TPO: variants seen among roughly 807,000 people sequenced by gnomAD.
TPO encodes the protein thyroid peroxidase, also known as thyroid microsomal antigen.
TPO carries 78 observed loss-of-function variants against 96.9 expected under a neutral mutation model. The ratio of observed to expected loss-of-function variants is 0.81; its 90% CI spans 0.67 to 0.97. The LOEUF (loss-of-function observed/expected upper bound fraction) is 0.97, where lower values mean the gene tolerates loss of function less well. Ranked by LOEUF, TPO falls within the 50% of genes least tolerant of loss-of-function variation. TPO has a pLI of 0.00. For missense variants in TPO, 1,252 were observed against 1,274.8 expected (o/e 0.98, Z 0.27); for synonymous variants, 547 against 538.0 (o/e 1.02, Z -0.23).
intron 2 of TPO, among the ~76,000 whole-genome samples, chr2:1,422,389 G>GGACAGACCT (rs1573111008): frequency 8.0e-5 from 4 of 50,078 alleles, no homozygotes; most frequent in South Asian, 6.9e-4. Context: ...TGCAGGCGCC[G>GGACAGACCT]CGCTGGGCCA....
At chr2:1,422,191 C>G (rs927647922) in intron 2 of TPO, among the ~76,000 whole-genome samples, 1 of 151,000 alleles carries the variant, frequency 6.6e-6, no homozygotes, top group Non-Finnish European at 1.5e-5. Context: ...ATGGAACAGA[C>G]GGAGCAGGGC....
chr2:1,390,180 T>C (rs1849789), intron 1 of TPO, among the ~76,000 whole-genome samples: 36,986 of 151,678 alleles, frequency 0.24, 9,181 homozygotes, highest in African/African-American at 0.64. Flanking sequence ...CTCCCCAGCC[T>C]CTGACAGGCC....
intron 1 of TPO, among the ~76,000 whole-genome samples, chr2:1,403,413 G>A (rs949184134): frequency 6.6e-6 from 1 of 152,208 alleles, no homozygotes; most frequent in African/African-American, 2.4e-5. Context: ...TACTGCAGCA[G>A]CTCTGGGCTC....
intron 7 of TPO, among the ~76,000 whole-genome samples, chr2:1,464,691 G>A (rs1215937402): frequency 6.6e-6 from 1 of 152,056 alleles, no homozygotes; most frequent in African/African-American, 2.4e-5. Flanking sequence ...GGCCATGTGT[G>A]TATCTTCTTT....
chr2:1,526,274 C>T (rs1232598088), intron 15 of TPO, among the ~76,000 whole-genome samples: 3 of 98,930 alleles, frequency 3.0e-5, no homozygotes, highest in African/African-American at 1.2e-4. Flanking sequence ...CCACCCCAGT[C>T]CCCCCACAGT....
chr2:1,461,453 C>G (rs558290526), intron 7 of TPO, among the ~76,000 whole-genome samples: 2 of 152,314 alleles, frequency 1.3e-5, no homozygotes, highest in African/African-American at 4.8e-5. Flanking sequence ...CCTGGGTAGG[C>G]TGGCCCTGGG....
rs1213847049 is a variant in TPO, at chr2:1,532,299, C to A, written c.2619-8295C>A. Among the ~76,000 whole-genome samples the A allele has an allele frequency of 6.5e-5, 4 of 61,932 alleles. 1 individual carries two copies. The highest frequency in any genetic ancestry group is 1.2e-4 in the African/African-American group (2 of 16,186). The allele number at this position is 61,932 out of a possible 152,430, so 40.6% of individuals were successfully genotyped here. A position where few individuals can be genotyped will look rare whatever the true frequency, so the allele number is the denominator to read the frequency against. ...TCCTCAAGTCCCCCACTGTGTGCAA[C>A]CCCCACAAAACTCCCACTGTGCGCA... On this transcript the variant is annotated intron_variant, in intron 15 of 16. Coordinates refer to ENST00000329066, the MANE Select transcript of TPO (RefSeq NM_001206744.2).
At chr2:1,413,119 G>C (rs548609853), upstream of TPO, among the ~76,000 whole-genome samples, 94 of 152,306 alleles carry the variant, frequency 6.2e-4, no homozygotes, top group African/African-American at 2.2e-3. Context: ...CCAATCCTCG[G>C]AAGATTAACA....
chr2:1,414,264 C>G, intron 1 of TPO, 144 bp from the exon 2 acceptor site: 2 of 789,472 alleles, frequency 2.5e-6, no homozygotes, highest in Admixed American at 2.0e-5. Flanking sequence ...CTCGCAGACC[C>G]CAGGCCTGTG....
chr2:1,503,406 T>C (rs1673067141), intron 13 of TPO, among the ~76,000 whole-genome samples: 3 of 152,228 alleles, frequency 2.0e-5, no homozygotes, highest in Admixed American at 1.3e-4. Context: ...GAACAAAATG[T>C]ACAGCAGGTT....
At chr2:1,489,765 G>A (rs1436653598) in intron 10 of TPO, among the ~76,000 whole-genome samples, 1 of 152,250 alleles carries the variant, frequency 6.6e-6, no homozygotes, top group Non-Finnish European at 1.5e-5. Flanking sequence ...AGCCCGACTT[G>A]TGTTCAGAAG....
upstream of TPO, among the ~76,000 whole-genome samples, chr2:1,411,208 T>C (rs1318504764): frequency 3.3e-5 from 5 of 152,232 alleles, no homozygotes; most frequent in African/African-American, 9.6e-5. Flanking sequence ...ATTATTTATA[T>C]TGTTTAATTA....
At chr2:1,495,293 C>T (rs767328053) in intron 11 of TPO, among the ~76,000 whole-genome samples, 5 of 152,182 alleles carry the variant, frequency 3.3e-5, no homozygotes, top group East Asian at 1.9e-4. Context: ...AAGAGTTTTA[C>T]GTGGCAGGGG....
Position 1,464,943 on chromosome 2 carries a change from C to A in TPO, c.819+8661C>A, listed in dbSNP as rs570517144. Among the ~76,000 whole-genome samples, 101 of 152,204 alleles carry A rather than the reference C, an allele frequency of 6.6e-4. 1 individual carries two copies. Among genetic ancestry groups the A allele is most frequent in the African/African-American group, 2.4e-3 (100 of 41,544 alleles). ...TTTATCTTTCTTTTTATTGAATTTG[C>A]TTTTGTGTTCTTGGTCATTAAATCC... On this transcript the variant is annotated intron_variant, in intron 7 of 16. Transcript: ENST00000329066.
rs1381822853 is a variant in TPO at position 1,433,640 on chromosome 2, G to A, written c.349+33G>A. 10 of 1,603,560 alleles carry A rather than the reference G, an allele frequency of 6.2e-6. No homozygotes were observed. In the South Asian group the frequency reaches 7.8e-5, roughly 13 times the overall value. On this transcript the variant is annotated intron_variant, in intron 4 of 16. Coordinates refer to ENST00000329066, the MANE Select transcript of TPO (RefSeq NM_001206744.2). ...GTGCCCCTCTCCCCACTGAGGAGCG[G>A]CAACTCCCGAAGGAGGACACCTTGA... is the stretch of plus-strand genomic sequence containing the variant.
At chr2:1,427,359 C>T (rs777807611) in intron 3 of TPO, among the ~76,000 whole-genome samples, 1 of 152,214 alleles carries the variant, frequency 6.6e-6, no homozygotes, top group Admixed American at 6.5e-5. Context: ...GGGCCTGCGG[C>T]CCAGGCTGCA....
chr2:1,500,372 G>A (rs936763364), intron 13 of TPO, among the ~76,000 whole-genome samples: 14 of 152,068 alleles, frequency 9.2e-5, no homozygotes, highest in African/African-American at 3.4e-4. Context: ...CCAAAATCTG[G>A]TACAAATGCG....
intron 5 of TPO, among the ~76,000 whole-genome samples, chr2:1,447,846 C>A (rs879707565): frequency 6.6e-6 from 1 of 152,042 alleles, no homozygotes; most frequent in African/African-American, 2.4e-5. Context: ...TGTGTGTGGG[C>A]GAGGACTGCT....
chr2:1,401,987 G>A (rs1257918317), intron 1 of TPO, among the ~76,000 whole-genome samples: 1 of 152,194 alleles, frequency 6.6e-6, no homozygotes, highest in African/African-American at 2.4e-5. Flanking sequence ...CCAGACCCAC[G>A]CAGGCTGTGT....
Sources: gnomAD v4.1 joint callset for allele counts (sites outside exome capture counted in the v4.1 genomes callset) on GRCh38, gnomAD v4.1.1 for gene constraint, MANE v1.5 for transcripts, NCBI Gene and HGNC (gene_info 2026-07-23, HGNC 2026-07-21) for gene names.